The following CCDC85A variants were observed in gnomAD, a reference collection of about 807,000 sequenced individuals.
CCDC85A encodes coiled-coil domain-containing protein 85A.
CCDC85A carries 38 observed loss-of-function variants against 50.2 expected under a neutral mutation model. That is an observed-to-expected ratio of 0.76 (90% CI 0.58 to 0.99). CCDC85A has a LOEUF of 0.99. CCDC85A is among the 50% of genes least tolerant of loss of function. CCDC85A has a pLI of 0.00. For missense variants in CCDC85A, 820 were observed against 742.0 expected, an observed-to-expected ratio of 1.11 and a Z score of -1.22; for synonymous variants, 366 against 301.4, an observed-to-expected ratio of 1.21 and a Z score of -2.22.
chr2:56,267,884 T>C (rs1670522915), intron 2 of CCDC85A, among the ~76,000 whole-genome samples: 1 of 152,200 alleles, frequency 6.6e-6, no homozygotes, highest in Non-Finnish European at 1.5e-5. Context: ...GGTAGTGGTG[T>C]TAGACCTCAT....
At chr2:56,378,335 T>C (rs746381791) in intron 5 of CCDC85A, among the ~76,000 whole-genome samples, 5 of 152,208 alleles carry the variant, frequency 3.3e-5, no homozygotes, top group Non-Finnish European at 7.3e-5. Flanking sequence ...TGTAAGAAAT[T>C]AGTACATTTG....
At chr2:56,326,065 T>G (rs1394640700) in intron 2 of CCDC85A, among the ~76,000 whole-genome samples, 2 of 152,136 alleles carry the variant, frequency 1.3e-5, no homozygotes, top group African/African-American at 2.4e-5. Context: ...ATCAAATTCT[T>G]TGAAACTTGC....
At chr2:56,218,184 A>G (rs1668168712) in intron 2 of CCDC85A, among the ~76,000 whole-genome samples, 1 of 151,960 alleles carries the variant, frequency 6.6e-6, no homozygotes, top group African/African-American at 2.4e-5. Context: ...TTGTGACTGC[A>G]GATAAACAGT....
intron 2 of CCDC85A, among the ~76,000 whole-genome samples, chr2:56,225,075 A>G (rs1668486585): frequency 1.9e-5 from 2 of 106,232 alleles, no homozygotes; most frequent in African/African-American, 7.7e-5. Flanking sequence ...TGGGTCTACA[A>G]TCCATTTTTG....
intron 3 of CCDC85A, among the ~76,000 whole-genome samples, chr2:56,351,223 A>T (rs184946172): frequency 6.6e-6 from 1 of 151,708 alleles, no homozygotes; most frequent in East Asian, 1.9e-4. Context: ...CAGTGTATAT[A>T]TGCCACATTT....
At chr2:56,282,128 G>GT (rs904393924) in intron 2 of CCDC85A, among the ~76,000 whole-genome samples, 174 of 147,174 alleles carry the variant, frequency 1.2e-3, no homozygotes, top group Non-Finnish European at 1.4e-3. Context: ...AATTTTGAGA[G>GT]TTTTTTTTTT....
intron 2 of CCDC85A, among the ~76,000 whole-genome samples, chr2:56,252,715 C>A (rs1669819537): frequency 6.6e-6 from 1 of 152,140 alleles, no homozygotes; most frequent in Admixed American, 6.5e-5. Flanking sequence ...AACCGACAGG[C>A]CCCAGTGTGT....
chr2:56,298,786 A>G (rs1672069529), intron 2 of CCDC85A, among the ~76,000 whole-genome samples: 2 of 152,178 alleles, frequency 1.3e-5, no homozygotes, highest in Non-Finnish European at 2.9e-5. Flanking sequence ...AATAGAATGT[A>G]TTTAACCATG....
chr2:56,356,458 A>C (rs1420499285), intron 3 of CCDC85A, among the ~76,000 whole-genome samples: 1 of 152,180 alleles, frequency 6.6e-6, no homozygotes, highest in Non-Finnish European at 1.5e-5. Context: ...ATGGCAGCTT[A>C]GGTTCTTTGC....
At chr2:56,243,783 G>T (rs935120496) in intron 2 of CCDC85A, among the ~76,000 whole-genome samples, 3 of 152,118 alleles carry the variant, frequency 2.0e-5, no homozygotes, top group African/African-American at 7.2e-5. Flanking sequence ...TCTTAGGAAG[G>T]CTTTCCAGGT....
chr2:56,317,758 C>CT (rs1005561844), intron 2 of CCDC85A, among the ~76,000 whole-genome samples: 13 of 152,156 alleles, frequency 8.5e-5, no homozygotes, highest in Admixed American at 3.9e-4. Flanking sequence ...TTTTTAAACT[C>CT]TAAGTTGTTC....
intron 2 of CCDC85A, among the ~76,000 whole-genome samples, chr2:56,339,637 T>A (rs1465404514): frequency 6.6e-6 from 1 of 152,174 alleles, no homozygotes; most frequent in African/African-American, 2.4e-5. Flanking sequence ...ATAGGGGCAA[T>A]AAAGATAAGG....
At chr2:56,201,768 A>T (rs746659665) in intron 2 of CCDC85A, among the ~76,000 whole-genome samples, 2 of 152,232 alleles carry the variant, frequency 1.3e-5, no homozygotes, top group Non-Finnish European at 2.9e-5. Context: ...GTATATATTA[A>T]TGCTAAAGAA....
intron 2 of CCDC85A, among the ~76,000 whole-genome samples, chr2:56,295,946 C>T (rs924726721): frequency 2.0e-5 from 3 of 152,140 alleles, no homozygotes; most frequent in East Asian, 1.9e-4. Flanking sequence ...GGTTTTTCTA[C>T]GACTTTCTAA....
rs753750871 is a variant in CCDC85A, at chr2:56,385,677, G to A, written c.*1322G>A. On this transcript the variant is annotated 3_prime_UTR_variant, in exon 6 of 6. Transcript: ENST00000407595. ...ATGGCAGATATTCTCTGTTGTTGTTGTTTTAGATGGGCTCATTACATAACG... is the reference window on the plus strand; with the variant it reads ...ATGGCAGATATTCTCTGTTGTTGTTATTTTAGATGGGCTCATTACATAACG... The A allele has an allele frequency of 9.9e-5, 15 of 151,942 alleles. No homozygotes were observed. The highest frequency in any genetic ancestry group is 1.3e-4 in the Admixed American group (2 of 15,166). 9.4% of individuals were successfully genotyped at this position (151,942 alleles called of 1,614,324 possible).
chr2:56,271,957 G>A (rs1031797877), intron 2 of CCDC85A, among the ~76,000 whole-genome samples: 1 of 152,096 alleles, frequency 6.6e-6, no homozygotes, highest in Non-Finnish European at 1.5e-5. Context: ...TTTAATTTCT[G>A]CCTAAAGATG....
chr2:56,323,409 G>C (rs1006544334), intron 2 of CCDC85A, among the ~76,000 whole-genome samples: 1 of 152,052 alleles, frequency 6.6e-6, no homozygotes, highest in Non-Finnish European at 1.5e-5. Flanking sequence ...ATGGGTTAGG[G>C]CTCCAGGGAG....
intron 3 of CCDC85A, among the ~76,000 whole-genome samples, chr2:56,356,822 C>T (rs1014584294): frequency 1.1e-4 from 17 of 151,216 alleles, no homozygotes; most frequent in African/African-American, 3.6e-4. Flanking sequence ...GTAATCCCAG[C>T]GCTTTGGGAG....
At chr2:56,194,410 G>C (rs1676447006) in intron 2 of CCDC85A, among the ~76,000 whole-genome samples, 1 of 152,210 alleles carries the variant, frequency 6.6e-6, no homozygotes, top group Non-Finnish European at 1.5e-5. Flanking sequence ...CTATGGTTGA[G>C]TTGGATCTAA....
Sources: gnomAD v4.1 joint callset for allele counts (sites outside exome capture counted in the v4.1 genomes callset) on GRCh38, gnomAD v4.1.1 for gene constraint, MANE v1.5 for transcripts, NCBI Gene and HGNC (gene_info 2026-07-23, HGNC 2026-07-21) for gene names.